Variants in PCDHGA4 observed in about 807,000 individuals in gnomAD.
PCDHGA4 encodes the protein protocadherin gamma-A4.
In PCDHGA4, 38 loss-of-function variants were observed where a neutral mutation model predicts 54.6. The ratio of observed to expected loss-of-function variants is 0.70; its 90% CI spans 0.54 to 0.91. The LOEUF is 0.91. Ranked by LOEUF, PCDHGA4 falls within the 40% of genes least tolerant of loss-of-function variation. The pLI, the probability that PCDHGA4 is intolerant of heterozygous loss-of-function variation, is 0.00. For synonymous variants in PCDHGA4, 511 were observed against 512.9 expected (o/e 1.00, Z 0.05); for missense variants, 1,298 against 1,220.9 (o/e 1.06, Z -0.94).
chr5:141,485,408 T>G lies in PCDHGA4; in HGVS notation c.2515-9399T>G. On this transcript the variant is annotated intron_variant, in intron 1 of 3. Transcript: ENST00000571252. The surrounding 1 kb of genome is among the most constrained non-coding windows in gnomAD (Gnocchi z 5.7). ...GAACCAAAGACACTTCCGTGTGGAT[T>G]TGGACAGCGGAGCCCTGCTCATCAA... 1 of 1,614,112 alleles carries G rather than the reference T, an allele frequency of 6.2e-7. No individual in the cohort carries two copies. The highest frequency in any genetic ancestry group is 8.5e-7 in the Non-Finnish European group (1 of 1,180,034).
chr5:141,393,865 C>G lies in PCDHGA4; in HGVS notation c.2514+36244C>G, dbSNP rs770874961. The G allele has an allele frequency of 4.3e-6, 7 of 1,613,838 alleles. No individual in the cohort carries two copies. In the African/African-American group the frequency reaches 8.0e-5, roughly 18 times the overall value. ...AATAGACCAGAAGTGATCATTACGT[C>G]TTTGTTTAGCCCAGTGTTAGAAAAT... On this transcript the variant is annotated intron_variant, in intron 1 of 3. Transcript: ENST00000571252.
rs765756193 is a variant in PCDHGA4, at chr5:141,511,105, C to T, written c.2821C>T (p.Arg941Trp). The T allele has an allele frequency of 2.8e-5, 46 of 1,614,196 alleles. No individual in the cohort carries two copies. In the East Asian group the frequency reaches 3.1e-4, roughly 11 times the overall value. Residue 941 changes from arginine to tryptophan, a missense_variant, in exon 4 of 4, where the codon CGG becomes TGG. Transcript: ENST00000571252. ...CACACTGACCAACGCAGCTGGCAAG[C>T]GGGATGGCAAGGCCCCAGCAGGTGG... ...NATLTNAAGK[R>W]DGKAPAGGNG...
In PCDHGA4 at chr5:141,485,027, G is replaced by A. The variant is rs1594439784; in HGVS notation, c.2515-9780G>A. ...AATCTACCCCGCCACCAGCAAAAAC[G>A]GCGCGTAACCCTTGCGGCGCCGGCC... is the stretch of plus-strand genomic sequence containing the variant. On this transcript the variant is annotated intron_variant, in intron 1 of 3. Coordinates refer to ENST00000571252, the MANE Select transcript of PCDHGA4 (RefSeq NM_018917.4). The surrounding 1 kb of genome is among the most constrained non-coding windows in gnomAD (Gnocchi z 5.7). 1.5e-6 allele frequency: 1 copy of A among 662,546 alleles called. No individual in the cohort carries two copies. Among genetic ancestry groups the A allele is most frequent in the South Asian group, 1.9e-5 (1 of 53,596 alleles). The allele number at this position is 662,546 out of a possible 1,614,324, so 41.0% of individuals were successfully genotyped here.
chr5:141,402,871 A>G, intron 1 of PCDHGA4: 1 of 1,452,626 alleles, frequency 6.9e-7, no homozygotes, highest in Non-Finnish European at 9.1e-7. Context: ...AAAGATCACC[A>G]TACTTTGCAG....
chr5:141,389,721 G>C (rs1477842058), intron 1 of PCDHGA4: 7 of 1,612,620 alleles, frequency 4.3e-6, no homozygotes, highest in Non-Finnish European at 5.1e-6. Context: ...TAGCGAGCCC[G>C]GGCTCTTCAG....
At chr5:141,400,756 C>G (rs1220648843) in intron 1 of PCDHGA4, 1 of 584,890 alleles carries the variant, frequency 1.7e-6, no homozygotes, top group African/African-American at 1.9e-5. Context: ...AGCTTCCTCT[C>G]TAGCAAAAAC....
chr5:141,393,630 A>T (rs1298038670), intron 1 of PCDHGA4: 7 of 1,613,976 alleles, frequency 4.3e-6, no homozygotes, highest in Non-Finnish European at 5.9e-6. Flanking sequence ...GGATGAGGGA[A>T]TCAACGGAAA....
chr5:141,453,540 A>G (rs890130466), intron 1 of PCDHGA4, among the ~76,000 whole-genome samples: 2 of 152,058 alleles, frequency 1.3e-5, no homozygotes, highest in Non-Finnish European at 2.9e-5. Context: ...CCTCATTCAC[A>G]CCACACTCTG....
chr5:141,389,790 G>C (rs1328126483), intron 1 of PCDHGA4: 1 of 1,613,470 alleles, frequency 6.2e-7, no homozygotes, highest in South Asian at 1.1e-5. Context: ...CAGGGACGCC[G>C]TCCGCCAGCG....
chr5:141,403,220 A>G (rs1340190547), intron 1 of PCDHGA4: 1 of 1,613,824 alleles, frequency 6.2e-7, no homozygotes, highest in Non-Finnish European at 8.5e-7. Context: ...CGCGGGTAGG[A>G]TAGACCGGGA....
chr5:141,394,481 T>C lies in PCDHGA4; in HGVS notation c.2514+36860T>C, dbSNP rs766569646. The C allele has an allele frequency of 4.3e-6, 7 of 1,614,088 alleles. No individual in the cohort carries two copies. The East Asian group carries it at 6.7e-5, about 15-fold the overall frequency. ...TGAGCCTGTTCGTGCTGGACCAGAATGACAACGCGCCCGAGATCCTGTACC... is the reference window on the plus strand; with the variant it reads ...TGAGCCTGTTCGTGCTGGACCAGAACGACAACGCGCCCGAGATCCTGTACC... On this transcript the variant is annotated intron_variant, in intron 1 of 3. Transcript: ENST00000571252.
intron 1 of PCDHGA4, chr5:141,433,358 CCTATCTATCTATCTAT>C (rs3074541): frequency 2.0e-4 from 99 of 504,042 alleles, no homozygotes; most frequent in East Asian, 3.1e-4. Flanking sequence ...CTACTGTCTG[CCTATCTATCTATCTAT>C]CTATCTATCT....
intron 1 of PCDHGA4, chr5:141,384,161 C>T (rs1476096646): frequency 1.2e-6 from 2 of 1,613,520 alleles, no homozygotes; most frequent in Non-Finnish European, 1.7e-6. Flanking sequence ...TATAACATCA[C>T]ACTGAAAGCC....
chr5:141,481,736 G>A (rs569415213), intron 1 of PCDHGA4, among the ~76,000 whole-genome samples: 23 of 151,934 alleles, frequency 1.5e-4, no homozygotes, highest in African/African-American at 4.3e-4. Flanking sequence ...GGCGGATCAC[G>A]AGGTCAGGAG....
chr5:141,467,572 G>A (rs1351985954), intron 1 of PCDHGA4, among the ~76,000 whole-genome samples: 1 of 152,184 alleles, frequency 6.6e-6, no homozygotes, highest in African/African-American at 2.4e-5. Flanking sequence ...TGGCTATCCA[G>A]TTGTCCCAAT....
At chr5:141,394,300 T>A (rs753637808) in intron 1 of PCDHGA4, 1 of 1,613,938 alleles carries the variant, frequency 6.2e-7, no homozygotes, top group Admixed American at 1.7e-5. Context: ...GAGGACACGC[T>A]GCAGGGGGCG....
At position 141,355,506 on chromosome 5, in the gene PCDHGA4, TG is replaced by T; in HGVS notation, c.400del (p.Val134Ter). 1 of 1,614,028 alleles carries T rather than the reference TG, an allele frequency of 6.2e-7. No individual in the cohort carries two copies. Among genetic ancestry groups the T allele is most frequent in the Non-Finnish European group, 8.5e-7 (1 of 1,179,892 alleles). ...EELCDRSPNC[V>X]TNLEILLEDT... ...AGCTCTGCGACAGATCTCCAAACTG[TG>T]TGACAAACCTGGAGATTCTTCTAGA... On this transcript the variant is annotated frameshift_variant, in exon 1 of 4. Coordinates refer to ENST00000571252, the MANE Select transcript of PCDHGA4 (RefSeq NM_018917.4). LOFTEE classifies it high-confidence loss of function.
At position 141,511,227 on chromosome 5, in the gene PCDHGA4, TCTC is replaced by T. The variant is rs2099883680; in HGVS notation, c.*57_*59del. 2 of 1,599,470 alleles carry T rather than the reference TCTC, an allele frequency of 1.3e-6. No homozygotes were observed. Among genetic ancestry groups the T allele is most frequent in the Non-Finnish European group, 1.7e-6 (2 of 1,173,054 alleles). ...CGGCCTCTCCCCAACCAGCCCAGCTTCTCCTTACCTGCACCCAGGCCTCAGAGT... is the reference window on the plus strand; with the variant it reads ...CGGCCTCTCCCCAACCAGCCCAGCTTCTTACCTGCACCCAGGCCTCAGAGT... On this transcript the variant is annotated 3_prime_UTR_variant, in exon 4 of 4. Transcript: ENST00000571252.
At chr5:141,507,531 C>T (rs1467914007) in intron 3 of PCDHGA4, among the ~76,000 whole-genome samples, 3 of 151,964 alleles carry the variant, frequency 2.0e-5, no homozygotes, top group African/African-American at 7.2e-5. Flanking sequence ...CCAGAGAGGC[C>T]AGAGACTGAG....
Sources: gnomAD v4.1 joint callset for allele counts (sites outside exome capture counted in the v4.1 genomes callset) on GRCh38, gnomAD v4.1.1 for gene constraint, Gnocchi (gnomAD v3.1) non-coding constraint, MANE v1.5 for transcripts, NCBI Gene and HGNC (gene_info 2026-07-23, HGNC 2026-07-21) for gene names.